The following DPY19L3 variants were observed in gnomAD, a reference collection of about 807,000 sequenced individuals.
DPY19L3 encodes protein C-mannosyl-transferase DPY19L3.
A neutral mutation model predicts 92.3 loss-of-function variants in DPY19L3; 51 were observed. The ratio of observed to expected loss-of-function variants is 0.55; its 90% CI spans 0.44 to 0.70. The LOEUF (loss-of-function observed/expected upper bound fraction) is 0.70. Ranked by LOEUF, DPY19L3 falls within the 30% of genes least tolerant of loss-of-function variation. The probability of loss-of-function intolerance (pLI) is 0.00; values close to 1 mark genes in which losing one functional copy is unlikely to be tolerated. For missense variants in DPY19L3, 706 were observed against 855.9 expected (o/e 0.82, Z 2.18); for synonymous variants, 309 against 315.2 (o/e 0.98, Z 0.21).
intron 3 of DPY19L3, 23 bp downstream of exon 3, chr19:32,411,395 G>T: frequency 6.2e-7 from 1 of 1,613,324 alleles, no homozygotes; most frequent in Non-Finnish European, 8.5e-7. Context: ...TTTGACCATT[G>T]TATCATTCAC....
At position 32,439,897 on chromosome 19, in the gene DPY19L3, T is replaced by C; in HGVS notation, c.842T>C (p.Leu281Pro). Residue 281 changes from leucine (L) to proline (P), a missense_variant, in exon 8 of 19, where the codon CTG becomes CCG. By Grantham distance (98) the Leu-to-Pro change is moderately conservative. Coordinates refer to ENST00000392250, the MANE Select transcript of DPY19L3 (RefSeq NM_001172774.2). Reference protein sequence around the residue: ...VLFTLDSLDMLPAVKATWLYG... With the variant: ...VLFTLDSLDMPPAVKATWLYG... Reference sequence around the variant, plus strand: ...TTCACACTGGACTCCCTGGACATGCTGCCAGCAGTGAAGGTGAGCTTTGCT... The same window carrying C: ...TTCACACTGGACTCCCTGGACATGCCGCCAGCAGTGAAGGTGAGCTTTGCT... The C allele has an allele frequency of 6.2e-7, 1 of 1,613,064 alleles. No individual in the cohort carries two copies. The highest frequency in any genetic ancestry group is 8.5e-7 in the Non-Finnish European group (1 of 1,179,600).
rs1864390636 is a variant in DPY19L3, at chr19:32,480,392, T to C, written c.1831-7T>C. ...TTGCCACATTGCATTTTTATGTCTT[T>C]TTGAAGGTTTATCAGATATATGCCA... is the stretch of plus-strand genomic sequence containing the variant. On this transcript the variant is annotated splice_polypyrimidine_tract_variant and splice_region_variant and intron_variant, in intron 17 of 18. Coordinates refer to ENST00000392250, the MANE Select transcript of DPY19L3 (RefSeq NM_001172774.2). 8 of 1,600,498 alleles carry C rather than the reference T, an allele frequency of 5.0e-6. No individual in the cohort carries two copies. The highest frequency in any genetic ancestry group is 6.8e-6 in the Non-Finnish European group (8 of 1,175,294).
chr19:32,409,351 A>G (rs959793673), intron 2 of DPY19L3, among the ~76,000 whole-genome samples: 14 of 152,330 alleles, frequency 9.2e-5, no homozygotes, highest in Admixed American at 8.5e-4. Flanking sequence ...TATGTTATGA[A>G]CATGTCATAA....
chr19:32,473,989 G>A (rs1322465006), intron 16 of DPY19L3, among the ~76,000 whole-genome samples: 9 of 152,136 alleles, frequency 5.9e-5, no homozygotes, highest in Admixed American at 5.9e-4. Flanking sequence ...TTTTGGTAGA[G>A]ATGGAGTTTC....
chr19:32,406,496 A>G (rs1967954522), intron 1 of DPY19L3, among the ~76,000 whole-genome samples: 1 of 151,790 alleles, frequency 6.6e-6, no homozygotes, highest in Admixed American at 6.6e-5. Context: ...AGTAGCTGGG[A>G]CCACAGGCAT....
At chr19:32,421,181 A>G (rs1968554833) in intron 3 of DPY19L3, among the ~76,000 whole-genome samples, 1 of 152,210 alleles carries the variant, frequency 6.6e-6, no homozygotes. Flanking sequence ...GTTAAATCCT[A>G]ACAGTGCTTA....
chr19:32,441,070 T>C (rs1198855193), intron 8 of DPY19L3, among the ~76,000 whole-genome samples: 1 of 152,216 alleles, frequency 6.6e-6, no homozygotes, highest in Non-Finnish European at 1.5e-5. Context: ...TATACACTCC[T>C]ATAATCTTTC....
At chr19:32,420,111 G>A (rs138138719) in intron 3 of DPY19L3, among the ~76,000 whole-genome samples, 1 of 152,094 alleles carries the variant, frequency 6.6e-6, no homozygotes, top group Non-Finnish European at 1.5e-5. Flanking sequence ...GCCCGCCTCA[G>A]CCTCCCAAAG....
intron 10 of DPY19L3, among the ~76,000 whole-genome samples, chr19:32,457,674 A>G (rs1235069683): frequency 2.6e-5 from 4 of 152,188 alleles, no homozygotes; most frequent in East Asian, 1.9e-4. Context: ...TCTTGGATCA[A>G]TTGTATCCAC....
chr19:32,414,211 G>A (rs1002808370), intron 3 of DPY19L3, among the ~76,000 whole-genome samples: 1 of 152,052 alleles, frequency 6.6e-6, no homozygotes, highest in African/African-American at 2.4e-5. Context: ...ACGAGGTTAG[G>A]AAATTGAGAC....
At chr19:32,452,207 T>G (rs1969723917) in intron 8 of DPY19L3, among the ~76,000 whole-genome samples, 1 of 152,234 alleles carries the variant, frequency 6.6e-6, no homozygotes, top group Non-Finnish European at 1.5e-5. Flanking sequence ...TCATCATCTC[T>G]TGTTCACGAT....
chr19:32,429,204 A>G (rs1407682364), intron 3 of DPY19L3, among the ~76,000 whole-genome samples: 1 of 152,142 alleles, frequency 6.6e-6, no homozygotes, highest in Non-Finnish European at 1.5e-5. Flanking sequence ...TTCTGTCATT[A>G]TCTTCGAAGA....
chr19:32,472,998 G>A (rs1015824220), intron 16 of DPY19L3, among the ~76,000 whole-genome samples: 1 of 152,130 alleles, frequency 6.6e-6, no homozygotes, highest in African/African-American at 2.4e-5. Flanking sequence ...TCATTTTGTA[G>A]TATTTGCATA....
chr19:32,474,978 G>A (rs113767932), intron 16 of DPY19L3, among the ~76,000 whole-genome samples: 92 of 152,272 alleles, frequency 6.0e-4, no homozygotes, highest in Middle Eastern at 6.8e-3. Context: ...AATAAAGAAC[G>A]TTATAACTCC....
chr19:32,438,429 C>CTA (rs895258885), intron 6 of DPY19L3, among the ~76,000 whole-genome samples: 25 of 152,032 alleles, frequency 1.6e-4, no homozygotes, highest in Middle Eastern at 3.4e-3. Flanking sequence ...TTACAGACAT[C>CTA]TATATATATT....
intron 3 of DPY19L3, among the ~76,000 whole-genome samples, chr19:32,414,746 A>G (rs974192602): frequency 6.6e-6 from 1 of 152,258 alleles, no homozygotes; most frequent in South Asian, 2.1e-4. Flanking sequence ...GCAAGGAGAC[A>G]TGTTGAAAGA....
intron 12 of DPY19L3, among the ~76,000 whole-genome samples, chr19:32,461,893 G>A (rs1970051472): frequency 6.6e-6 from 1 of 152,202 alleles, no homozygotes; most frequent in Non-Finnish European, 1.5e-5. Context: ...GCCAGGCAGT[G>A]TGTGCTTCCC....
intron 16 of DPY19L3, 72 bp from the exon 17 acceptor site, chr19:32,477,450 T>G (rs1970545289): frequency 7.0e-6 from 11 of 1,576,318 alleles, no homozygotes; most frequent in East Asian, 2.3e-5. Flanking sequence ...TGAAAAAGTT[T>G]GATATTGTCT....
chr19:32,442,769 G>A (rs186118220), intron 8 of DPY19L3, among the ~76,000 whole-genome samples: 16 of 152,266 alleles, frequency 1.1e-4, no homozygotes, highest in Non-Finnish European at 2.1e-4. Flanking sequence ...TTATTCTAGC[G>A]AAATGCTACA....
Sources: allele counts gnomAD v4.1 joint callset (sites outside exome capture counted in the v4.1 genomes callset), GRCh38; gene constraint gnomAD v4.1.1; transcripts MANE v1.5; gene names NCBI Gene and HGNC (gene_info 2026-07-23, HGNC 2026-07-21).